Variants in L3HYPDH observed in about 807,000 individuals in gnomAD.
L3HYPDH encodes trans-L-3-hydroxyproline dehydratase.
A neutral mutation model predicts 26.5 loss-of-function variants in L3HYPDH; 32 were observed. The observed-to-expected ratio is 1.21, with a 90% CI of 0.91 to 1.62. L3HYPDH has a LOEUF of 1.62. Ranked by LOEUF, L3HYPDH falls within the 40% of genes most tolerant of loss-of-function variation. The pLI is 0.00. For missense variants in L3HYPDH, 554 were observed against 476.4 expected (o/e 1.16, Z -1.52); for synonymous variants, 215 against 196.6 (o/e 1.09, Z -0.78).
chr14:59,487,111 G>T, upstream of L3HYPDH: 1 of 188,050 alleles, frequency 5.3e-6, no homozygotes, highest in Non-Finnish European at 1.1e-5. Context: ...GCTGAGACAG[G>T]AGAATTGCTT....
chr14:59,476,050 ATAT>A, intron 3 of L3HYPDH, 39 bp downstream of exon 3: 1 of 1,613,800 alleles, frequency 6.2e-7, no homozygotes, highest in Non-Finnish European at 8.5e-7. Flanking sequence ...AGTGTGTTCC[ATAT>A]TACCTGGCTT....
chr14:59,495,022 A>G, the L3HYPDH span: 1 of 1,612,390 alleles, frequency 6.2e-7, no homozygotes, highest in Non-Finnish European at 8.5e-7. Flanking sequence ...CTCTAGTTCC[A>G]GCGCACTTTT....
At chr14:59,479,678 C>A (rs1338361880) in intron 1 of L3HYPDH, among the ~76,000 whole-genome samples, 2 of 152,268 alleles carry the variant, frequency 1.3e-5, no homozygotes, top group Non-Finnish European at 2.9e-5. Context: ...CCAAGGGCAT[C>A]CCTGTGAACA....
chr14:59,475,537 G>A (rs1889568946), intron 4 of L3HYPDH, among the ~76,000 whole-genome samples: 1 of 152,176 alleles, frequency 6.6e-6, no homozygotes, highest in African/African-American at 2.4e-5. Flanking sequence ...TCTAGCTTCT[G>A]CATTCAATTG....
the L3HYPDH span, among the ~76,000 whole-genome samples, chr14:59,494,397 A>G: frequency 6.6e-6 from 1 of 152,226 alleles, no homozygotes; most frequent in Non-Finnish European, 1.5e-5. Flanking sequence ...CCTCAGCTAT[A>G]AGCAATAACA....
At chr14:59,471,370 T>C (rs1253002022), downstream of L3HYPDH, among the ~76,000 whole-genome samples, 1 of 152,120 alleles carries the variant, frequency 6.6e-6, no homozygotes, top group Non-Finnish European at 1.5e-5. Flanking sequence ...AACTCCTAGA[T>C]TTGCAGCCTC....
the L3HYPDH span, among the ~76,000 whole-genome samples, chr14:59,491,631 G>A: frequency 6.6e-6 from 1 of 152,218 alleles, no homozygotes; most frequent in Admixed American, 6.5e-5. Context: ...AGCTCCAAGT[G>A]ACCCACCTGC....
the L3HYPDH span, chr14:59,495,451 C>T: frequency 2.0e-6 from 1 of 488,342 alleles, no homozygotes; most frequent in African/African-American, 1.9e-5. Context: ...AATTAATCCA[C>T]ACATTCTAGA....
chr14:59,502,703 T>C, the L3HYPDH span, among the ~76,000 whole-genome samples: 28 of 150,638 alleles, frequency 1.9e-4, no homozygotes, highest in South Asian at 4.2e-4. Context: ...TAGGGAAAGA[T>C]TTGAGGGAGA....
chr14:59,496,139 T>TG, the L3HYPDH span, among the ~76,000 whole-genome samples: 1 of 152,108 alleles, frequency 6.6e-6, no homozygotes, highest in Non-Finnish European at 1.5e-5. Context: ...CTCCTGGCCT[T>TG]AAGTGATCTA....
downstream of L3HYPDH, among the ~76,000 whole-genome samples, chr14:59,470,592 G>C (rs1889284241): frequency 6.6e-6 from 1 of 152,162 alleles, no homozygotes; most frequent in Admixed American, 6.5e-5. Context: ...GGTTCTGTGG[G>C]TGAGCTCAGC....
At chr14:59,490,369 C>T in the L3HYPDH span, among the ~76,000 whole-genome samples, 14 of 152,186 alleles carry the variant, frequency 9.2e-5, no homozygotes, top group Non-Finnish European at 1.8e-4. Flanking sequence ...CTGAGGATTA[C>T]ATTTCAACAT....
the L3HYPDH span, chr14:59,501,052 C>T: frequency 1.5e-5 from 9 of 595,388 alleles, no homozygotes; most frequent in African/African-American, 3.8e-5. Context: ...GCCACTGCCT[C>T]AGAACCTTAG....
chr14:59,500,457 G>A, the L3HYPDH span, among the ~76,000 whole-genome samples: 3 of 152,146 alleles, frequency 2.0e-5, no homozygotes, highest in African/African-American at 7.2e-5. Context: ...GAGAAAAGTG[G>A]TGTTTTAGAG....
At chr14:59,481,531 G>A (rs946833653) in intron 1 of L3HYPDH, among the ~76,000 whole-genome samples, 7 of 152,040 alleles carry the variant, frequency 4.6e-5, no homozygotes, top group African/African-American at 1.4e-4. Context: ...AAATCTAAGG[G>A]TTTTTCTTTT....
chr14:59,499,646 G>T, the L3HYPDH span, among the ~76,000 whole-genome samples: 2 of 152,116 alleles, frequency 1.3e-5, no homozygotes, highest in African/African-American at 4.8e-5. Context: ...ATGTGACATT[G>T]AACGTCCCAA....
upstream of L3HYPDH, chr14:59,484,677 G>A (rs1439535892): frequency 6.7e-7 from 1 of 1,494,936 alleles, no homozygotes; most frequent in African/African-American, 1.4e-5. Context: ...TCGGCTCTTT[G>A]TAGGCGGCCT....
At chr14:59,486,658 A>G (rs182436666), upstream of L3HYPDH, 667 of 1,245,058 alleles carry the variant, frequency 5.4e-4, 2 homozygotes, top group African/African-American at 6.9e-3. Flanking sequence ...TATTATTGCA[A>G]TTATTTTTTA....
the L3HYPDH span, chr14:59,501,106 A>G: frequency 1.1e-6 from 1 of 875,614 alleles, no homozygotes; most frequent in East Asian, 2.6e-5. Flanking sequence ...TTTGACTCTA[A>G]GGAAAATTAC....
Sources: gnomAD v4.1 joint callset for allele counts (sites outside exome capture counted in the v4.1 genomes callset) on GRCh38, gnomAD v4.1.1 for gene constraint, MANE v1.5 for transcripts, NCBI Gene and HGNC (gene_info 2026-07-23, HGNC 2026-07-21) for gene names.